Variants in ITGA3 observed in about 807,000 individuals in gnomAD.
ITGA3 encodes integrin subunit alpha 3, also known as integrin alpha-3.
In ITGA3, 70 loss-of-function variants were observed where a neutral mutation model predicts 131.1. The observed-to-expected ratio is 0.53, with a 90% CI of 0.44 to 0.65. The LOEUF (loss-of-function observed/expected upper bound fraction) is 0.65, where lower values mean the gene tolerates loss of function less well. ITGA3 is among the 30% of genes least tolerant of loss of function. The probability of loss-of-function intolerance (pLI) is 0.00; values close to 1 mark genes in which losing one functional copy is unlikely to be tolerated. For missense variants in ITGA3, 1,098 were observed against 1,388.6 expected, an observed-to-expected ratio of 0.79 and a Z score of 3.33; for synonymous variants, 537 against 571.6, an observed-to-expected ratio of 0.94 and a Z score of 0.86.
rs772933610 is a variant in ITGA3, at chr17:50,068,287, G to A, written c.646G>A (p.Gly216Ser). 3.6e-5 allele frequency: 58 copies of A among 1,613,214 alleles called. No homozygotes were observed. In the Admixed American group the frequency reaches 4.5e-4, roughly 13 times the overall value. Residue 216 changes from glycine to serine, a missense_variant, in exon 4 of 26, where the codon GGT becomes AGT. Transcript: ENST00000320031. ...GAACACTGTGTACTTCGGCGCCCCC[G>A]GTGCCTACAACTGGAAAGGTGGGGA... ...TQNTVYFGAP[G>S]AYNWKGNSYM...
chr17:50,073,865 A>G (rs753687314), intron 7 of ITGA3, 51 bp from the exon 8 acceptor site: 40 of 1,333,002 alleles, frequency 3.0e-5, no homozygotes, highest in Non-Finnish European at 1.3e-5. Context: ...AGTTAGGGAG[A>G]CGTGGGGCCC....
chr17:50,061,768 G>A (rs1051490824), intron 1 of ITGA3, among the ~76,000 whole-genome samples: 10 of 152,154 alleles, frequency 6.6e-5, no homozygotes, highest in African/African-American at 1.9e-4. Flanking sequence ...AGCCAGGCAC[G>A]GTGGCTCACG....
At chr17:50,068,855 TTTA>T (rs1908472855) in intron 4 of ITGA3, among the ~76,000 whole-genome samples, 1 of 118,532 alleles carries the variant, frequency 8.4e-6, no homozygotes, top group African/African-American at 2.7e-5. Flanking sequence ...TATTTATTTA[TTTA>T]TTTTTTTGAG....
rs1403123095 is a variant in ITGA3 at position 50,064,486 on chromosome 17, TG to T, written c.335-39del. On this transcript the variant is annotated intron_variant, in intron 2 of 25. Coordinates refer to ENST00000320031, the MANE Select transcript of ITGA3 (RefSeq NM_002204.4). The surrounding 1 kb of genome is among the most constrained non-coding windows in gnomAD (Gnocchi z 4.4). Reference sequence around the variant, plus strand: ...TCTGGAGACTTTGGGCACTGAAGTATGGGTGAGGTGCTCTGATTCATGATCC... The same window carrying T: ...TCTGGAGACTTTGGGCACTGAAGTATGGTGAGGTGCTCTGATTCATGATCC... 4.4e-6 allele frequency: 7 copies of T among 1,574,368 alleles called. No individual in the cohort carries two copies. Among genetic ancestry groups the T allele is most frequent in the Non-Finnish European group, 6.0e-6 (7 of 1,157,604 alleles).
chr17:50,087,761 C>T lies in ITGA3; in HGVS notation c.2937C>T (p.Asp979=). The T allele has an allele frequency of 6.2e-7, 1 of 1,613,344 alleles. No individual in the cohort carries two copies. ...NKTTWFSVDI[D]SELVEELPAE... is the part of the protein sequence containing the mutation. ...CGCTCCAGTTCTCTGTGGACATTGA[C>T]TCGGAGCTGGTGGAGGAGCTGCCGG... Residue 979 remains aspartate, a synonymous_variant, in exon 24 of 26, where the codon GAC becomes GAT. Coordinates refer to ENST00000320031, the MANE Select transcript of ITGA3 (RefSeq NM_002204.4).
Position 50,087,825 on chromosome 17 carries a change from G to A in ITGA3, c.3001G>A (p.Ala1001Thr), listed in dbSNP as rs1033675412. The change falls in exon 24 of 26, where the codon GCA (alanine) becomes ACA (threonine). Residue 1001 changes from alanine (A) to threonine (T), a missense_variant. Ala to Thr is a moderately conservative substitution (Grantham distance 58, BLOSUM62 0). Coordinates refer to ENST00000320031, the MANE Select transcript of ITGA3 (RefSeq NM_002204.4). ...GTGGCTGGTGCTGGTGGCCGTGGGT[G>A]CAGGGCTGCTGCTGCTGGGGCTGAT... is the stretch of plus-strand genomic sequence containing the variant. ...ELWLVLVAVG[A>T]GLLLLGLIIL... 6.2e-7 allele frequency: 1 copy of A among 1,610,998 alleles called. No homozygotes were observed. Among genetic ancestry groups the A allele is most frequent in the Middle Eastern group, 1.8e-4 (1 of 5,512 alleles).
chr17:50,081,259 G>C lies in ITGA3; in HGVS notation c.2821-51G>C, dbSNP rs557993614. ...TGGGAAAGCTTAGGGTCGGAGGTAG[G>C]CTCAGAGAAGTGTCAAGTGTTCCCC... On this transcript the variant is annotated intron_variant, in intron 22 of 25. Coordinates refer to ENST00000320031, the MANE Select transcript of ITGA3 (RefSeq NM_002204.4). The C allele has an allele frequency of 5.5e-4, 664 of 1,206,142 alleles. 2 individuals are homozygous for C. Among genetic ancestry groups the C allele is most frequent in the Non-Finnish European group, 5.2e-4 (435 of 834,760 alleles). 74.7% of individuals were successfully genotyped at this position (1,206,142 alleles called of 1,614,324 possible).
intron 1 of ITGA3, among the ~76,000 whole-genome samples, chr17:50,059,764 G>A (rs1454005985): frequency 2.0e-5 from 3 of 152,206 alleles, no homozygotes; most frequent in African/African-American, 7.2e-5. Flanking sequence ...AAGAGGAATT[G>A]AGGTTAGATG....
At chr17:50,089,021 C>G (rs568229573) in intron 25 of ITGA3, 89 bp from the exon 26 acceptor site, 96 of 992,338 alleles carry the variant, frequency 9.7e-5, no homozygotes, top group Non-Finnish European at 1.9e-5. Flanking sequence ...TTGAGGAGTT[C>G]TGGGTGGGAG....
intron 1 of ITGA3, among the ~76,000 whole-genome samples, chr17:50,062,795 A>G (rs1908154102): frequency 6.6e-6 from 1 of 152,218 alleles, no homozygotes; most frequent in Admixed American, 6.5e-5. Flanking sequence ...CCCAGAGCCC[A>G]AGTTCTGAGC....
In ITGA3 at chr17:50,064,218, G is replaced by T; in HGVS notation, c.334+14G>T. 1.3e-6 allele frequency: 2 copies of T among 1,599,594 alleles called. No homozygotes were observed. Among genetic ancestry groups the T allele is most frequent in the Admixed American group, 3.4e-5 (2 of 58,446 alleles). On this transcript the variant is annotated intron_variant, in intron 2 of 25. Transcript: ENST00000320031. This position sits in a 1 kb window ranked among gnomAD's most constrained non-coding sequence, Gnocchi z 4.4. ...TCACAGTGAAAAGTGAGGGGAAGGG[G>T]CTGGGGAGGGGTGCTGGGTCAGAGG...
At chr17:50,062,066 A>G (rs113027145) in intron 1 of ITGA3, among the ~76,000 whole-genome samples, 47 of 152,034 alleles carry the variant, frequency 3.1e-4, no homozygotes, top group African/African-American at 1.0e-3. Flanking sequence ...AGAAAGAAAA[A>G]AAGAAATTCC....
At chr17:50,082,051 A>G (rs1909211077) in intron 23 of ITGA3, among the ~76,000 whole-genome samples, 1 of 152,180 alleles carries the variant, frequency 6.6e-6, no homozygotes, top group Admixed American at 6.5e-5. Context: ...CTGTTGCCCC[A>G]GCTGGAATGC....
chr17:50,080,468 GTGTGTGT>G, intron 22 of ITGA3, 93 bp downstream of exon 22: 4 of 143,214 alleles, frequency 2.8e-5, no homozygotes, highest in Admixed American at 8.5e-5. Context: ...GCATGGGTGT[GTGTGTGT>G]GTGTGTGTGT....
chr17:50,088,481 C>A lies in ITGA3; in HGVS notation c.*31+115C>A, dbSNP rs571326192. 111 of 606,118 alleles carry A rather than the reference C, an allele frequency of 1.8e-4. No homozygotes were observed. The Middle Eastern group carries it at 6.6e-3, about 36-fold the overall frequency. 37.5% of individuals were successfully genotyped at this position (606,118 alleles called of 1,614,324 possible). On this transcript the variant is annotated intron_variant, in intron 25 of 25. Coordinates refer to ENST00000320031, the MANE Select transcript of ITGA3 (RefSeq NM_002204.4). Reference sequence around the variant, plus strand: ...TGCTCTGACCTCATTCTGTCCCCACCACCACCCCAAAGATCAGGTCACTCT... The same window carrying A: ...TGCTCTGACCTCATTCTGTCCCCACAACCACCCCAAAGATCAGGTCACTCT...
intron 4 of ITGA3, among the ~76,000 whole-genome samples, 188 bp from the exon 5 acceptor site, chr17:50,070,644 CAAAAAAAAAAAA>C (rs59600840): frequency 7.2e-4 from 50 of 69,466 alleles, no homozygotes; most frequent in Middle Eastern, 0.015. Context: ...AAGACTGTCT[CAAAAAAAAAAAA>C]AAAAAAAAAA....
At chr17:50,079,705 C>T (rs1445242241) in intron 21 of ITGA3, 148 bp downstream of exon 21, 41 of 876,290 alleles carry the variant, frequency 4.7e-5, no homozygotes, top group Non-Finnish European at 5.6e-5. Context: ...AGCAGGGAGC[C>T]TCATCTCCTG....
intron 23 of ITGA3, among the ~76,000 whole-genome samples, chr17:50,084,239 A>AC (rs1909298206): frequency 6.7e-6 from 1 of 149,868 alleles, no homozygotes; most frequent in African/African-American, 2.4e-5. Context: ...TCAAAAAAAA[A>AC]AAAAAAAAAA....
chr17:50,084,840 A>G (rs1909318825), intron 23 of ITGA3, among the ~76,000 whole-genome samples: 2 of 152,172 alleles, frequency 1.3e-5, no homozygotes, highest in South Asian at 2.1e-4. Context: ...ACTTGAGCCC[A>G]GGAGGTGGAG....
Sources: gnomAD v4.1 joint callset for allele counts (sites outside exome capture counted in the v4.1 genomes callset) on GRCh38, gnomAD v4.1.1 for gene constraint, Gnocchi (gnomAD v3.1) non-coding constraint, MANE v1.5 for transcripts, NCBI Gene and HGNC (gene_info 2026-07-23, HGNC 2026-07-21) for gene names.